CD200: variants seen among roughly 807,000 people sequenced by gnomAD.
CD200 encodes the protein OX-2 membrane glycoprotein.
A neutral mutation model predicts 30.9 loss-of-function variants in CD200; 15 were observed. The ratio of observed to expected loss-of-function variants is 0.49; its 90% CI spans 0.32 to 0.75. The LOEUF (loss-of-function observed/expected upper bound fraction) is 0.75, where lower values mean the gene tolerates loss of function less well. CD200 is among the 30% of genes least tolerant of loss of function. The pLI is 0.03. For synonymous variants in CD200, 134 were observed against 126.2 expected (o/e 1.06, Z -0.41); for missense variants, 262 against 324.2 (o/e 0.81, Z 1.47).
chr3:112,361,669 C>T lies in CD200; in HGVS notation c.*119C>T, dbSNP rs943642492. 19 of 932,496 alleles carry T rather than the reference C, an allele frequency of 2.0e-5. No individual in the cohort carries two copies. Among genetic ancestry groups the T allele is most frequent in the Admixed American group, 8.8e-5 (5 of 56,546 alleles). The allele number at this position is 932,496 out of a possible 1,614,324, so 57.8% of individuals were successfully genotyped here. ...CCTGAAAGAGCAAAAGAGGTGGGAGCGAAAGCCTTAAGGATCCCACGACTT... is the reference window on the plus strand; with the variant it reads ...CCTGAAAGAGCAAAAGAGGTGGGAGTGAAAGCCTTAAGGATCCCACGACTT... On this transcript the variant is annotated 3_prime_UTR_variant, in exon 6 of 6. Coordinates refer to ENST00000315711, the MANE Select transcript of CD200 (RefSeq NM_005944.7).
intron 5 of CD200, among the ~76,000 whole-genome samples, chr3:112,354,556 C>T (rs1341974274): frequency 2.0e-5 from 3 of 152,172 alleles, no homozygotes; most frequent in Non-Finnish European, 4.4e-5. Context: ...ACAAAAGAAG[C>T]CAACTGTATG....
At chr3:112,351,429 T>G (rs1288372986) in intron 5 of CD200, among the ~76,000 whole-genome samples, 2 of 152,190 alleles carry the variant, frequency 1.3e-5, no homozygotes, top group African/African-American at 4.8e-5. Flanking sequence ...TGAGGTAAAT[T>G]CTACTGGAAA....
Position 112,362,633 on chromosome 3 carries a change from C to G in CD200, c.*1083C>G, listed in dbSNP as rs1173462666. 6.6e-6 allele frequency: 1 copy of G among 152,504 alleles called. No homozygotes were observed. The highest frequency in any genetic ancestry group is 1.9e-4 in the East Asian group (1 of 5,196). 9.4% of individuals were successfully genotyped at this position (152,504 alleles called of 1,614,324 possible). ...TAATAACCATAATTAGTTGCTTTTTCAGTATCTTCTGCTTTGTCTGTGTCT... is the reference window on the plus strand; with the variant it reads ...TAATAACCATAATTAGTTGCTTTTTGAGTATCTTCTGCTTTGTCTGTGTCT... On this transcript the variant is annotated 3_prime_UTR_variant, in exon 6 of 6. Transcript: ENST00000315711.
At chr3:112,357,271 AAAAGAAAG>A (rs566639470) in intron 5 of CD200, among the ~76,000 whole-genome samples, 3 of 139,740 alleles carry the variant, frequency 2.1e-5, no homozygotes, top group Non-Finnish European at 1.5e-5. Context: ...AAAAAAAAAA[AAAAGAAAG>A]AAAGAAAGAA....
chr3:112,360,535 T>C (rs367777609), intron 5 of CD200, among the ~76,000 whole-genome samples: 1 of 152,310 alleles, frequency 6.6e-6, no homozygotes, highest in East Asian at 1.9e-4. Flanking sequence ...ATTATGTTAT[T>C]TTATGTCATT....
At chr3:112,360,172 A>C (rs946126902) in intron 5 of CD200, among the ~76,000 whole-genome samples, 3 of 152,102 alleles carry the variant, frequency 2.0e-5, no homozygotes, top group Non-Finnish European at 2.9e-5. Context: ...TACTGAAAAT[A>C]TGAAAATTAG....
At chr3:112,342,692 G>A (rs916093161) in intron 2 of CD200, among the ~76,000 whole-genome samples, 7 of 151,952 alleles carry the variant, frequency 4.6e-5, no homozygotes, top group Admixed American at 2.0e-4. Flanking sequence ...CAAAGTGCTG[G>A]GATTACAGGC....
At chr3:112,338,661 G>A (rs745624345) in intron 1 of CD200, among the ~76,000 whole-genome samples, 2 of 152,108 alleles carry the variant, frequency 1.3e-5, no homozygotes, top group Admixed American at 6.6e-5. Flanking sequence ...TGTGGAAACC[G>A]GTTTAAATGC....
intron 1 of CD200, chr3:112,333,727 G>A (rs2081050483): frequency 5.9e-5 from 58 of 985,442 alleles, no homozygotes; most frequent in Non-Finnish European, 7.0e-5. Flanking sequence ...TCTCCTCTTT[G>A]TTATGCAGCC....
At chr3:112,334,753 A>G (rs567944476) in intron 1 of CD200, among the ~76,000 whole-genome samples, 2 of 152,068 alleles carry the variant, frequency 1.3e-5, no homozygotes, top group Admixed American at 6.5e-5. Flanking sequence ...TCGAGGAAAA[A>G]AAAAACCTGT....
intron 2 of CD200, among the ~76,000 whole-genome samples, chr3:112,342,962 C>T (rs537290702): frequency 3.3e-5 from 5 of 152,160 alleles, no homozygotes; most frequent in South Asian, 2.1e-4. Context: ...AAAGATTATA[C>T]ATCCTTTCTT....
At chr3:112,357,342 G>A (rs2081647434) in intron 5 of CD200, among the ~76,000 whole-genome samples, 1 of 152,078 alleles carries the variant, frequency 6.6e-6, no homozygotes, top group South Asian at 2.1e-4. Context: ...TGGCCTGGGA[G>A]GAGAGGGGCG....
At chr3:112,345,573 G>A (rs948904414) in intron 3 of CD200, among the ~76,000 whole-genome samples, 2 of 152,188 alleles carry the variant, frequency 1.3e-5, no homozygotes, top group Non-Finnish European at 2.9e-5. Flanking sequence ...GCAGTGATAT[G>A]ATTCAGACCT....
chr3:112,347,535 A>G, intron 3 of CD200, 23 bp from the exon 4 acceptor site: 1 of 1,611,398 alleles, frequency 6.2e-7, no homozygotes, highest in Non-Finnish European at 8.5e-7. Flanking sequence ...CTGATAACAG[A>G]TCATATTTAT....
rs1553716262 is a variant in CD200 at position 112,342,429 on chromosome 3, CT to C, written c.94+1448del. On this transcript the variant is annotated intron_variant, in intron 2 of 5. Coordinates refer to ENST00000315711, the MANE Select transcript of CD200 (RefSeq NM_005944.7). ...TCTTTCTTTCTTTCTTTCTTTCTTT[CT>C]TCTCTCTCTTTCTATGAAATTTCAC... 8.8e-4 allele frequency among the ~76,000 whole-genome samples: 68 copies of C among 77,256 alleles called. 15 individuals are homozygous for C. The highest frequency in any genetic ancestry group is 2.7e-3 in the Admixed American group (18 of 6,630). The allele number at this position is 77,256 out of a possible 152,430, so 50.7% of individuals were successfully genotyped here.
At chr3:112,345,338 G>T (rs1178589257) in intron 3 of CD200, 50 bp downstream of exon 3, 1 of 1,446,620 alleles carries the variant, frequency 6.9e-7, no homozygotes. Flanking sequence ...CTATTTGCAA[G>T]AATGTTTGGA....
chr3:112,349,331 TAGAC>T (rs1318460802), intron 4 of CD200, among the ~76,000 whole-genome samples: 1 of 152,232 alleles, frequency 6.6e-6, no homozygotes, highest in East Asian at 1.9e-4. Context: ...ATTCTTTTAA[TAGAC>T]AGTATGGCAA....
chr3:112,333,506 G>C, intron 1 of CD200: 1 of 985,422 alleles, frequency 1.0e-6, no homozygotes. Flanking sequence ...GGGCTCCGGG[G>C]GCTCTTGATC....
chr3:112,342,688 G>A (rs2081295993), intron 2 of CD200, among the ~76,000 whole-genome samples: 1 of 152,080 alleles, frequency 6.6e-6, no homozygotes, highest in African/African-American at 2.4e-5. Flanking sequence ...CTCCCAAAGT[G>A]CTGGGATTAC....
Sources: allele counts gnomAD v4.1 joint callset (sites outside exome capture counted in the v4.1 genomes callset), GRCh38; gene constraint gnomAD v4.1.1; transcripts MANE v1.5; gene names NCBI Gene and HGNC (gene_info 2026-07-23, HGNC 2026-07-21).